The following SPAG11A variants were observed in gnomAD, a reference collection of about 807,000 sequenced individuals.
SPAG11A encodes the protein sperm-associated antigen 11A.
Under a neutral mutation model 5.5 loss-of-function variants are expected in SPAG11A, and 2 were observed. The ratio of observed to expected loss-of-function variants is 0.37; its 90% CI spans 0.15 to 1.15. The LOEUF (loss-of-function observed/expected upper bound fraction) is 1.15. Among genes scored for constraint, SPAG11A ranks in the 50% most tolerant of loss-of-function variants. The pLI is 0.38. For synonymous variants in SPAG11A, 11 were observed against 42.7 expected, an observed-to-expected ratio of 0.26 and a Z score of 2.90; for missense variants, 24 against 122.5, an observed-to-expected ratio of 0.20 and a Z score of 3.80.
chr8:7,860,259 G>A lies in SPAG11A; in HGVS notation c.215-387G>A. 7.8e-6 allele frequency: 10 copies of A among 1,287,780 alleles called. No individual in the cohort carries two copies. In the South Asian group the frequency reaches 1.6e-4, roughly 21 times the overall value. The allele number at this position is 1,287,780 out of a possible 1,614,324, so 79.8% of individuals were successfully genotyped here. A position where few individuals can be genotyped will look rare whatever the true frequency, so the allele number is the denominator to read the frequency against. The stretch of plus-strand genomic sequence containing the variant: ...AAAATTGGGCCATAAGTTGAGAATG[G>A]GTTAATACCTCTAATTTCCTTAGAG... On this transcript the variant is annotated intron_variant, in intron 2 of 2. Coordinates refer to ENST00000642566, the Ensembl canonical transcript of SPAG11A.
rs1818154447 is a variant in SPAG11A, at chr8:7,860,170, G to A, written c.215-476G>A. Among the ~76,000 whole-genome samples, 3 of 148,644 alleles carry A rather than the reference G, an allele frequency of 2.0e-5. 1 individual carries two copies. The highest frequency in any genetic ancestry group is 2.2e-4 in the South Asian group (1 of 4,526). On this transcript the variant is annotated intron_variant, in intron 2 of 2. Coordinates refer to ENST00000642566, the Ensembl canonical transcript of SPAG11A. ...TTAGGTGGTCATTTGTGACTTACAA[G>A]CCCACAGGTCCTGGTGAGGAGAGAG...
intron 2 of SPAG11A, among the ~76,000 whole-genome samples, chr8:7,852,783 C>T (rs202245635): frequency 0.15 from 20,021 of 131,582 alleles, 49 homozygotes; most frequent in Admixed American, 0.2. Flanking sequence ...TATCTTTCAA[C>T]CATAATTTTC....
At chr8:7,857,787 A>C (rs369270173) in intron 2 of SPAG11A, among the ~76,000 whole-genome samples, 2,926 of 68,434 alleles carry the variant, frequency 0.043, 37 homozygotes, top group Middle Eastern at 0.062. Context: ...TGGAAAGTTC[A>C]AAATGAACAC....
At chr8:7,863,253 C>CTTTTTTT (rs1818268113), downstream of SPAG11A, among the ~76,000 whole-genome samples, 15 of 12,002 alleles carry the variant, frequency 1.2e-3, no homozygotes, top group Admixed American at 3.6e-3. Flanking sequence ...TTTTTGACCA[C>CTTTTTTT]TTGTTCTGAA....
exon 3 of SPAG11A, chr8:7,860,722 T>G (rs778738665): frequency 9.9e-6 from 15 of 1,508,946 alleles, no homozygotes; most frequent in African/African-American, 1.4e-5. Flanking sequence ...TCTGCCATTC[T>G]GGTGAGAAAA....
chr8:7,852,319 T>C (rs1284291165), intron 2 of SPAG11A, among the ~76,000 whole-genome samples: 1 of 152,230 alleles, frequency 6.6e-6, no homozygotes, highest in Non-Finnish European at 1.5e-5. Flanking sequence ...TTCTCTTTTT[T>C]CTTTTTTTTT....
Position 7,860,007 on chromosome 8 carries a change from A to T in SPAG11A, c.215-639A>T, listed in dbSNP as rs1243190408. ...AAGAGTGTTTTCCTAATCACGCAAG[A>T]CCAACACTGTGCTGTTGTTGTTGTT... On this transcript the variant is annotated intron_variant, in intron 2 of 2. Coordinates refer to ENST00000642566, the Ensembl canonical transcript of SPAG11A. Among the ~76,000 whole-genome samples, 5 of 150,478 alleles carry T rather than the reference A, an allele frequency of 3.3e-5. 1 individual carries two copies. The highest frequency in any genetic ancestry group is 3.3e-4 in the Admixed American group (5 of 15,058).
At chr8:7,858,679 TTTG>T (rs1316182079) in intron 2 of SPAG11A, among the ~76,000 whole-genome samples, 4 of 58,854 alleles carry the variant, frequency 6.8e-5, no homozygotes, top group African/African-American at 1.6e-4. Context: ...TACATTGTGT[TTTG>T]TTGTTGTCAT....
At chr8:7,861,432 A>G (rs1220057838), downstream of SPAG11A, among the ~76,000 whole-genome samples, 2 of 146,856 alleles carry the variant, frequency 1.4e-5, no homozygotes, top group African/African-American at 4.9e-5. Context: ...CATTTCCCCC[A>G]GGCTAGCAAT....
chr8:7,863,212 G>GTTT (rs1264249027), downstream of SPAG11A, among the ~76,000 whole-genome samples: 2 of 9,412 alleles, frequency 2.1e-4, no homozygotes, highest in South Asian at 0.019. Flanking sequence ...CTGCAGATGG[G>GTTT]ATTTTTTTTT....
chr8:7,852,128 G>C (rs1289657717), intron 2 of SPAG11A, among the ~76,000 whole-genome samples: 2 of 148,192 alleles, frequency 1.3e-5, no homozygotes, highest in Non-Finnish European at 3.0e-5. Context: ...CGATCTGTGT[G>C]TTGATATTTC....
intron 2 of SPAG11A, among the ~76,000 whole-genome samples, chr8:7,852,630 G>A (rs1479758810): frequency 6.6e-6 from 1 of 152,078 alleles, no homozygotes; most frequent in Non-Finnish European, 1.5e-5. Context: ...ACCGCGCCCG[G>A]CCAGGTTACC....
intron 2 of SPAG11A, among the ~76,000 whole-genome samples, chr8:7,852,847 A>T (rs1397038311): frequency 2.2e-4 from 9 of 41,228 alleles, no homozygotes; most frequent in Admixed American, 2.4e-4. Context: ...ATATCTGTAG[A>T]GCCCTTCTAT....
At chr8:7,852,383 G>C in intron 2 of SPAG11A, among the ~76,000 whole-genome samples, 1 of 152,068 alleles carries the variant, frequency 6.6e-6, no homozygotes, top group Non-Finnish European at 1.5e-5. Flanking sequence ...GTGCGATTTT[G>C]GCTCACCACC....
In SPAG11A at chr8:7,860,068, G is replaced by T. The variant is rs1390865273; in HGVS notation, c.215-578G>T. ...TTGCTGCTGTTTAAAGTCATCGTAC[G>T]TAGCATTTGCAGATCTGACATAAGT... On this transcript the variant is annotated intron_variant, in intron 2 of 2. Coordinates refer to ENST00000642566, the Ensembl canonical transcript of SPAG11A. 5.8e-4 allele frequency among the ~76,000 whole-genome samples: 87 copies of T among 150,582 alleles called. 1 individual carries two copies. Among genetic ancestry groups the T allele is most frequent in the Middle Eastern group, 3.5e-3 (1 of 288 alleles).
At chr8:7,863,268 G>T (rs1332259209), downstream of SPAG11A, among the ~76,000 whole-genome samples, 3 of 50,002 alleles carry the variant, frequency 6.0e-5, no homozygotes, top group African/African-American at 1.9e-4. Flanking sequence ...TCTGAAGCTG[G>T]GCACTGGGCT....
At chr8:7,852,478 T>C (rs1817963604) in intron 2 of SPAG11A, among the ~76,000 whole-genome samples, 1 of 152,136 alleles carries the variant, frequency 6.6e-6, no homozygotes, top group African/African-American at 2.4e-5. Flanking sequence ...GGATTACAGG[T>C]GTCCACCACC....
At chr8:7,852,041 T>A (rs1817939106) in intron 2 of SPAG11A, among the ~76,000 whole-genome samples, 2 of 126,430 alleles carry the variant, frequency 1.6e-5, no homozygotes, top group African/African-American at 5.8e-5. Flanking sequence ...TCCCACCTGT[T>A]TTCACATGAA....
chr8:7,860,684 A>T lies in SPAG11A; in HGVS notation c.253A>T (p.Met85Leu), dbSNP rs370838893. ...GGGAATTAGAAATACCATCTGCCGT[A>T]TGCAGCAAGGGATCTGCAGACTTTT... Residue 85 changes from methionine (M) to leucine (L), a missense_variant, in exon 3 of 3, where the codon ATG becomes TTG. Transcript: ENST00000642566. 4.6e-6 allele frequency: 7 copies of T among 1,521,194 alleles called. 1 individual carries two copies. Among genetic ancestry groups the T allele is most frequent in the East Asian group, 5.9e-5 (2 of 34,098 alleles). 94.2% of individuals were successfully genotyped at this position (1,521,194 alleles called of 1,614,324 possible).
Sources: gnomAD v4.1 joint callset for allele counts (sites outside exome capture counted in the v4.1 genomes callset) on GRCh38, gnomAD v4.1.1 for gene constraint, MANE v1.5 for transcripts, NCBI Gene and HGNC (gene_info 2026-07-23, HGNC 2026-07-21) for gene names.